The following STARD8 variants were observed in gnomAD, a reference collection of about 807,000 sequenced individuals.
The protein encoded by STARD8 is stAR-related lipid transfer protein 8.
STARD8 carries 25 observed loss-of-function variants against 69.4 expected under a neutral mutation model. That is an observed-to-expected ratio of 0.36 (90% CI 0.26 to 0.50). STARD8 has a LOEUF of 0.50. Ranked by LOEUF, STARD8 falls within the 20% of genes least tolerant of loss-of-function variation. The pLI is 0.96. For missense variants in STARD8, 921 were observed against 932.5 expected (o/e 0.99, Z 0.16); for synonymous variants, 389 against 374.6 (o/e 1.04, Z -0.45).
chrX:68,693,740 C>T (rs1413775088), intron 2 of STARD8: 8 of 753,861 alleles, frequency 1.1e-5, no homozygotes, highest in Non-Finnish European at 1.3e-5. Flanking sequence ...GCGTGTGTCC[C>T]GGACGGAGCA....
intron 2 of STARD8, among the ~76,000 whole-genome samples, chrX:68,672,158 T>C (rs747219036): frequency 3.6e-5 from 4 of 111,703 alleles, no homozygotes; most frequent in Non-Finnish European, 7.5e-5. Flanking sequence ...GTTCTTTATA[T>C]TGAGCCAGAA....
intron 2 of STARD8, among the ~76,000 whole-genome samples, chrX:68,699,968 C>A (rs756803569): frequency 9.0e-6 from 1 of 111,395 alleles, no homozygotes; most frequent in East Asian, 2.8e-4. Flanking sequence ...GTAGGTGTTC[C>A]CCTTGTTGAG....
chrX:68,682,131 T>C (rs1018366179), intron 2 of STARD8, among the ~76,000 whole-genome samples: 1 of 110,333 alleles, frequency 9.1e-6, no homozygotes, highest in Non-Finnish European at 1.9e-5. Context: ...CCCGAGTAGC[T>C]GGGACTACAG....
chrX:68,689,333 T>C (rs1356274120), intron 2 of STARD8, among the ~76,000 whole-genome samples: 1 of 109,658 alleles, frequency 9.1e-6, no homozygotes, highest in Non-Finnish European at 1.9e-5. Flanking sequence ...AGAAAACCTC[T>C]GGGGACCCTT....
At chrX:68,708,469 G>A (rs370211328) in intron 2 of STARD8, among the ~76,000 whole-genome samples, 3 of 112,333 alleles carry the variant, frequency 2.7e-5, no homozygotes, top group African/African-American at 9.7e-5. Flanking sequence ...CGTGGCCTGT[G>A]TAAATGTAGG....
chrX:68,669,845 A>C (rs755615210), intron 2 of STARD8, among the ~76,000 whole-genome samples: 12 of 112,476 alleles, frequency 1.1e-4, no homozygotes, highest in Non-Finnish European at 2.3e-4. Context: ...TGTCACCTCC[A>C]AGGCTCACAA....
chrX:68,717,550 C>T lies in STARD8; in HGVS notation c.636C>T (p.His212=), dbSNP rs753166633. Residue 212 remains histidine (H), a synonymous_variant, in exon 6 of 15, where the codon CAC becomes CAT. Transcript: ENST00000374599. ...KRHRNRSFLK[H]LESLRRKEKS... Reference sequence around the variant, plus strand: ...ATCGTAACCGTAGCTTCCTCAAGCACCTTGAATCTCTGAGGCGGAAGGAAA... The same window carrying T: ...ATCGTAACCGTAGCTTCCTCAAGCATCTTGAATCTCTGAGGCGGAAGGAAA... The T allele has an allele frequency of 2.5e-6, 3 of 1,209,908 alleles. No homozygotes were observed. The highest frequency in any genetic ancestry group is 1.8e-5 in the South Asian group (1 of 56,794).
chrX:68,667,457 C>T lies in STARD8; in HGVS notation c.79+1925C>T, dbSNP rs191130168. Among the ~76,000 whole-genome samples the T allele has an allele frequency of 1.7e-4, 19 of 112,186 alleles. No homozygotes were observed. In the East Asian group the frequency reaches 3.7e-3, roughly 22 times the overall value. ...ATGTGATTGTTTCTGAAATTTAGGT[C>T]AGGGGGTGAGCAGAACGCTTCATCT... is the stretch of plus-strand genomic sequence containing the variant. On this transcript the variant is annotated intron_variant, in intron 2 of 14. Transcript: ENST00000374599.
At position 68,723,945 on chromosome X, in the gene STARD8, G is replaced by T. The variant is rs142045078; in HGVS notation, c.3018G>T (p.Arg1006=). The change falls in exon 14 of 15, where the codon CGG becomes CGT. Residue 1006 remains arginine, a splice_region_variant and synonymous_variant. Transcript: ENST00000374599. The part of the protein sequence containing the change: ...PHPCRDFVVL[R]MWRSDLPRGG... Reference sequence around the variant, plus strand: ...AGCCTACGTGTCCCTTCTCCAATAGGATGTGGCGCTCTGACCTGCCTCGTG... The same window carrying T: ...AGCCTACGTGTCCCTTCTCCAATAGTATGTGGCGCTCTGACCTGCCTCGTG... The T allele has an allele frequency of 2.5e-6, 3 of 1,210,336 alleles. No individual in the cohort carries two copies. The African/African-American group carries it at 5.2e-5, about 21-fold the overall frequency.
At chrX:68,648,048 C>A in intron 1 of STARD8, 121 bp downstream of exon 1, 2 of 891,817 alleles carry the variant, frequency 2.2e-6, no homozygotes, top group Non-Finnish European at 3.1e-6. Flanking sequence ...CTGAGGCTCT[C>A]GGAGTTAGAA....
At chrX:68,682,604 T>G (rs1284693865) in intron 2 of STARD8, among the ~76,000 whole-genome samples, 1 of 112,731 alleles carries the variant, frequency 8.9e-6, no homozygotes, top group East Asian at 2.8e-4. Context: ...TGTCTTCATT[T>G]CCTTATCTGT....
intron 12 of STARD8, 150 bp from the exon 13 acceptor site, chrX:68,723,476 A>G: frequency 2.1e-6 from 1 of 483,811 alleles, no homozygotes; most frequent in Non-Finnish European, 3.4e-6. Flanking sequence ...GCATGGGAGC[A>G]CTGTCTCAGT....
At position 68,717,452 on chromosome X, in the gene STARD8, A is replaced by G. The variant is rs748539055; in HGVS notation, c.538A>G (p.Ser180Gly). The change falls in exon 6 of 15, where the codon AGC becomes GGC. Residue 180 changes from serine (S) to glycine (G), a missense_variant. Coordinates refer to ENST00000374599, the MANE Select transcript of STARD8 (RefSeq NM_001142503.3). ...ADLPLPGRAP[S>G]SSDRPLLSPT... ...CTTGCCCTTGCCAGGCCGTGCCCCCAGCTCGAGTGACCGGCCCCTCCTCAG... is the reference window on the plus strand; with the variant it reads ...CTTGCCCTTGCCAGGCCGTGCCCCCGGCTCGAGTGACCGGCCCCTCCTCAG... 31 of 1,210,170 alleles carry G rather than the reference A, an allele frequency of 2.6e-5. No homozygotes were observed. Among genetic ancestry groups the G allele is most frequent in the Middle Eastern group, 4.6e-4 (2 of 4,349 alleles).
chrX:68,672,207 C>T (rs1194747913), intron 2 of STARD8, among the ~76,000 whole-genome samples: 1 of 111,661 alleles, frequency 9.0e-6, no homozygotes, highest in East Asian at 2.8e-4. Flanking sequence ...GTCCTATTTT[C>T]ACCCCTTGGA....
intron 2 of STARD8, among the ~76,000 whole-genome samples, chrX:68,675,086 T>C (rs2079756745): frequency 9.1e-6 from 1 of 109,319 alleles, no homozygotes; most frequent in East Asian, 2.9e-4. Flanking sequence ...CCTCCCCGAG[T>C]AGCTAGGATT....
At chrX:68,660,100 G>A (rs2079634991) in intron 1 of STARD8, among the ~76,000 whole-genome samples, 3 of 110,920 alleles carry the variant, frequency 2.7e-5, no homozygotes, top group Admixed American at 9.6e-5. Context: ...AAGCCAGTGT[G>A]GGACAGCTTG....
At chrX:68,686,879 A>G (rs1184788218) in intron 2 of STARD8, among the ~76,000 whole-genome samples, 1 of 111,036 alleles carries the variant, frequency 9.0e-6, no homozygotes, top group Non-Finnish European at 1.9e-5. Context: ...TCCTCCGCTC[A>G]AAAAGAACAC....
rs368190357 is a variant in STARD8 at position 68,647,887 on chromosome X, C to G, written c.5C>G (p.Pro2Arg). The G allele has an allele frequency of 5.1e-5, 61 of 1,198,859 alleles. 1 individual carries two copies. In the African/African-American group the frequency reaches 8.7e-4, roughly 17 times the overall value. M[P>R]LLDVFWSCFR... ...AGAAGCTCCCCACGCGCCACCATGC[C>G]TCTGCTGGACGTTTTCTGGTCTTGC... Residue 2 changes from proline (P) to arginine (R), a missense_variant, in exon 1 of 15, where the codon CCT becomes CGT. Pro to Arg is a moderately radical substitution (Grantham distance 103). Transcript: ENST00000374599.
chrX:68,647,736 C>G lies in STARD8; in HGVS notation c.-147C>G, dbSNP rs1929779210. 1 of 750,442 alleles carries G rather than the reference C, an allele frequency of 1.3e-6. No individual in the cohort carries two copies. Among genetic ancestry groups the G allele is most frequent in the Non-Finnish European group, 1.9e-6 (1 of 533,219 alleles). The allele number at this position is 750,442 out of a possible 1,213,427, so 61.8% of individuals were successfully genotyped here. A position where few individuals can be genotyped will look rare whatever the true frequency, so the allele number is the denominator to read the frequency against. On this transcript the variant is annotated 5_prime_UTR_variant, in exon 1 of 15. Transcript: ENST00000374599. ...AGCCCCGGCAACCGCTGCTCTCCGC[C>G]TCTCCCCTCGCGGGGCCGGCTCATG... is the stretch of plus-strand genomic sequence containing the variant.
Sources: allele counts gnomAD v4.1 joint callset (sites outside exome capture counted in the v4.1 genomes callset), GRCh38; gene constraint gnomAD v4.1.1; transcripts MANE v1.5; gene names NCBI Gene and HGNC (gene_info 2026-07-23, HGNC 2026-07-21).